Variants in DST observed in about 807,000 individuals in gnomAD.
DST encodes the protein dystonin, also known as bullous pemphigoid antigen.
In DST, 253 loss-of-function variants were observed where a neutral mutation model predicts 875.2. That is an observed-to-expected ratio of 0.29 (90% CI 0.26 to 0.32). The LOEUF is 0.32. DST is among the 10% of genes least tolerant of loss of function. DST has a pLI of 1.00. For missense variants in DST, 8,287 were observed against 9,111.6 expected (o/e 0.91, Z 3.68); for synonymous variants, 3,124 against 3,197.1 (o/e 0.98, Z 0.77).
chr6:56,743,617 T>C (rs945190704), intron 4 of DST, among the ~76,000 whole-genome samples: 1 of 152,080 alleles, frequency 6.6e-6, no homozygotes, highest in African/African-American at 2.4e-5. Context: ...TTGCCAGATG[T>C]TGTTCTCAAT....
chr6:56,524,649 T>C (rs1305748633), intron 69 of DST, among the ~76,000 whole-genome samples: 1 of 152,082 alleles, frequency 6.6e-6, no homozygotes, highest in African/African-American at 2.4e-5. Flanking sequence ...TGGACAGACT[T>C]GCAGGTATTT....
At chr6:56,811,590 C>T (rs1420944139) in intron 4 of DST, among the ~76,000 whole-genome samples, 1 of 152,032 alleles carries the variant, frequency 6.6e-6, no homozygotes, top group Non-Finnish European at 1.5e-5. Context: ...AAGAAAAAAA[C>T]AAAGCTTAAA....
At chr6:56,891,125 C>T in intron 3 of DST, among the ~76,000 whole-genome samples, 1 of 152,308 alleles carries the variant, frequency 6.6e-6, no homozygotes, top group South Asian at 2.1e-4. Flanking sequence ...GCATTAAAAG[C>T]AGGGAAATGT....
At chr6:56,806,570 G>A (rs761976343) in intron 4 of DST, among the ~76,000 whole-genome samples, 31 of 152,288 alleles carry the variant, frequency 2.0e-4, no homozygotes, top group Non-Finnish European at 3.1e-4. Flanking sequence ...AAAAGCAAGC[G>A]TGTGGCAGTG....
rs546446636 is a variant in DST at position 56,785,421 on chromosome 6, G to A, written c.626-50132C>T. 1.3e-4 allele frequency among the ~76,000 whole-genome samples: 20 copies of A among 152,254 alleles called. No individual in the cohort carries two copies. The South Asian group carries it at 3.3e-3, about 25-fold the overall frequency. On this transcript the variant is annotated intron_variant, in intron 4 of 103. Coordinates refer to ENST00000680361, the MANE Select transcript of DST (RefSeq NM_001374736.1). ...TAAGCAAGCCTGGGCAATGGCAGGC[G>A]CCCCTCCGCCAGCCTCGCTGCCGCC...
chr6:56,596,216 A>G (rs1042989588), intron 47 of DST, among the ~76,000 whole-genome samples: 1 of 151,690 alleles, frequency 6.6e-6, no homozygotes, highest in African/African-American at 2.4e-5. Context: ...TTTAGTAGAG[A>G]CAGGGCTTCA....
chr6:56,851,075 C>A, intron 4 of DST: 1 of 329,780 alleles, frequency 3.0e-6, no homozygotes, highest in Non-Finnish European at 5.6e-6. Context: ...ATCACTGGAG[C>A]TAATACTTTC....
In DST at chr6:56,603,994, T is replaced by C. The variant is rs779174346; in HGVS notation, c.10634A>G (p.Glu3545Gly). The change falls in exon 40 of 104, where the codon GAA becomes GGA. Residue 3545 changes from glutamate to glycine, a missense_variant. This residue lies in a region of DST where 3,138 missense variants were observed against 3,116.6 expected (regional missense o/e 1.01). Transcript: ENST00000680361. ...KEGNYYSPNL[E>G]TVKEIGLESS... is the part of the protein sequence containing the mutation. ...TTCTAGTCCAATTTCTTTTACAGTT[T>C]CTAAATTAGGAGAATAGTAGTTTCC... 8 of 1,606,894 alleles carry C rather than the reference T, an allele frequency of 5.0e-6. No homozygotes were observed. The highest frequency in any genetic ancestry group is 6.8e-6 in the Non-Finnish European group (8 of 1,175,956).
chr6:56,843,710 G>A (rs1591565420), intron 4 of DST: 3 of 359,510 alleles, frequency 8.3e-6, no homozygotes, highest in Non-Finnish European at 1.1e-5. Context: ...GAGGGAGGAG[G>A]GTGGAGGGTG....
chr6:56,884,607 T>C (rs1783759899), intron 3 of DST, among the ~76,000 whole-genome samples: 1 of 152,180 alleles, frequency 6.6e-6, no homozygotes, highest in Non-Finnish European at 1.5e-5. Flanking sequence ...AAATTGTAAT[T>C]TCATCATTCC....
At chr6:56,712,464 G>A (rs1005948563) in intron 5 of DST, among the ~76,000 whole-genome samples, 8 of 152,096 alleles carry the variant, frequency 5.3e-5, no homozygotes, top group African/African-American at 1.9e-4. Context: ...CCTAATCAAG[G>A]AAACAAAATT....
intron 47 of DST, among the ~76,000 whole-genome samples, chr6:56,597,462 A>T (rs1214406474): frequency 6.6e-6 from 1 of 152,190 alleles, no homozygotes; most frequent in Non-Finnish European, 1.5e-5. Flanking sequence ...AACTTAGAAG[A>T]GTGCCCACTT....
intron 9 of DST, among the ~76,000 whole-genome samples, 177 bp downstream of exon 9, chr6:56,699,476 T>C (rs1196454805): frequency 6.6e-6 from 1 of 152,234 alleles, no homozygotes; most frequent in Non-Finnish European, 1.5e-5. Context: ...AACAGGAAAC[T>C]AGTTGCCAGA....
intron 78 of DST, 64 bp from the exon 79 acceptor site, chr6:56,501,757 C>A (rs2096132865): frequency 8.1e-7 from 1 of 1,228,952 alleles, no homozygotes. Flanking sequence ...ACAAAGAAAT[C>A]TATTGGTTAT....
rs1824259742 is a variant in DST at position 56,954,545 on chromosome 6, T to C, written c.43A>G (p.Ile15Val). The change falls in exon 1 of 104, where the codon ATC (isoleucine) becomes GTC (valine). Residue 15 changes from isoleucine (I) to valine (V), a missense_variant. Ile to Val is a conservative substitution (Grantham distance 29). This residue lies in a region of DST where 1,160 missense variants were observed against 1,424.3 expected (regional missense o/e 0.81). Transcript: ENST00000680361. The part of the protein sequence containing the change: ...AFLVLLRPYS[I>V]QCALFLLLLL... ...AACAAGAGGAAGAGGGCACATTGGA[T>C]GCTGTAGGGTCTCAGCAAGACGAGG... 1 of 1,367,264 alleles carries C rather than the reference T, an allele frequency of 7.3e-7. No homozygotes were observed. The highest frequency in any genetic ancestry group is 9.8e-7 in the Non-Finnish European group (1 of 1,021,746). 84.7% of individuals were successfully genotyped at this position (1,367,264 alleles called of 1,614,324 possible).
chr6:56,682,707 C>A (rs545846102), intron 9 of DST, among the ~76,000 whole-genome samples: 1 of 152,194 alleles, frequency 6.6e-6, no homozygotes, highest in Non-Finnish European at 1.5e-5. Flanking sequence ...GTGCTGTCAC[C>A]AGACATATGC....
intron 4 of DST, among the ~76,000 whole-genome samples, chr6:56,781,305 C>T (rs1290676615): frequency 3.3e-5 from 5 of 152,146 alleles, no homozygotes; most frequent in Non-Finnish European, 7.3e-5. Context: ...CTATAAACTA[C>T]CTTGGGCAGT....
intron 4 of DST, among the ~76,000 whole-genome samples, chr6:56,820,034 T>C (rs911399546): frequency 2.6e-5 from 4 of 152,234 alleles, no homozygotes; most frequent in African/African-American, 9.6e-5. Context: ...TGCCTCACAT[T>C]CAAGAATATC....
At chr6:56,952,068 G>T (rs1163742423) in intron 2 of DST, among the ~76,000 whole-genome samples, 1 of 152,096 alleles carries the variant, frequency 6.6e-6, no homozygotes, top group Admixed American at 6.6e-5. Flanking sequence ...AAACAAGAAA[G>T]ATATGGTCCT....
Sources: gnomAD v4.1 joint callset for allele counts (sites outside exome capture counted in the v4.1 genomes callset) on GRCh38, gnomAD v4.1.1 for gene constraint, gnomAD v4.1.1 regional missense constraint, MANE v1.5 for transcripts, NCBI Gene and HGNC (gene_info 2026-07-23, HGNC 2026-07-21) for gene names.